CCDC171: variants seen among roughly 807,000 people sequenced by gnomAD.
CCDC171 encodes the protein coiled-coil domain containing 171.
In CCDC171, 177 loss-of-function variants were observed where a neutral mutation model predicts 168.2. The observed-to-expected ratio is 1.05, with a 90% CI of 0.93 to 1.19. The LOEUF is 1.19. Among genes scored for constraint, CCDC171 ranks in the 50% most tolerant of loss-of-function variants. The pLI is 0.00. For synonymous variants in CCDC171, 687 were observed against 540.8 expected, an observed-to-expected ratio of 1.27 and a Z score of -3.75; for missense variants, 1,991 against 1,539.0, an observed-to-expected ratio of 1.29 and a Z score of -4.91.
chr9:15,774,129 C>CCAGCTACT lies in CCDC171; in HGVS notation c.2672-3469_2672-3462dup, dbSNP rs542659849. ...GGTGTGGTGGTGGGCATCTGTAACC[C>CCAGCTACT]CAGCTACTCGGGAGGCTGAAGTGAG... On this transcript the variant is annotated intron_variant, in intron 18 of 25. Coordinates refer to ENST00000380701, the MANE Select transcript of CCDC171 (RefSeq NM_173550.4). 5.9e-5 allele frequency among the ~76,000 whole-genome samples: 9 copies of CCAGCTACT among 151,526 alleles called. 1 individual carries two copies. The South Asian group carries it at 1.9e-3, about 32-fold the overall frequency.
At chr9:15,809,913 A>G (rs543921456) in intron 21 of CCDC171, among the ~76,000 whole-genome samples, 1 of 152,010 alleles carries the variant, frequency 6.6e-6, no homozygotes, top group Non-Finnish European at 1.5e-5. Flanking sequence ...TGATTGGTCC[A>G]TTTTACAGAG....
intron 9 of CCDC171, among the ~76,000 whole-genome samples, chr9:15,672,779 T>C (rs914339758): frequency 6.6e-6 from 1 of 152,356 alleles, no homozygotes; most frequent in South Asian, 2.1e-4. Flanking sequence ...TAAAGTCAGA[T>C]AGCGTGATGC....
the CCDC171 span, among the ~76,000 whole-genome samples, chr9:16,070,911 G>A: frequency 6.6e-6 from 1 of 152,312 alleles, no homozygotes; most frequent in South Asian, 2.1e-4. Flanking sequence ...TTGGATGGGG[G>A]ATTTTTGGCT....
chr9:16,012,078 C>A (rs1288743323), intron 3 of CCDC171, among the ~76,000 whole-genome samples: 1 of 152,176 alleles, frequency 6.6e-6, no homozygotes, highest in Non-Finnish European at 1.5e-5. Flanking sequence ...ATAGGAAGTT[C>A]TCTTCTGAAG....
intron 20 of CCDC171, among the ~76,000 whole-genome samples, chr9:15,783,034 A>C (rs1288220999): frequency 2.6e-5 from 4 of 152,132 alleles, no homozygotes; most frequent in Non-Finnish European, 5.9e-5. Flanking sequence ...AAATTTCTTC[A>C]TTGTTGAGAA....
At chr9:15,579,736 A>G (rs1013867788) in intron 4 of CCDC171, among the ~76,000 whole-genome samples, 1 of 152,124 alleles carries the variant, frequency 6.6e-6, no homozygotes, top group African/African-American at 2.4e-5. Flanking sequence ...CATAAAGTAT[A>G]TATTCTTTTT....
intron 21 of CCDC171, among the ~76,000 whole-genome samples, chr9:15,821,008 C>G (rs1441469963): frequency 8.5e-6 from 1 of 117,170 alleles, no homozygotes; most frequent in East Asian, 2.1e-4. Flanking sequence ...GGGCTTCATC[C>G]CTGGGATGCA....
intron 24 of CCDC171, among the ~76,000 whole-genome samples, chr9:15,895,798 G>A (rs1457431808): frequency 1.3e-5 from 2 of 152,056 alleles, no homozygotes; most frequent in Non-Finnish European, 2.9e-5. Flanking sequence ...AATAAAGCCA[G>A]TGGCAATTCT....
chr9:16,068,254 T>C, the CCDC171 span, among the ~76,000 whole-genome samples: 1 of 151,432 alleles, frequency 6.6e-6, no homozygotes, highest in Non-Finnish European at 1.5e-5. Context: ...TTATAAGGGA[T>C]GTGAAGGACC....
chr9:15,912,504 T>G (rs552851006), intron 24 of CCDC171, among the ~76,000 whole-genome samples: 1 of 152,184 alleles, frequency 6.6e-6, no homozygotes, highest in Non-Finnish European at 1.5e-5. Context: ...ACAGAGGTAA[T>G]TGACTTCTTC....
At chr9:15,865,913 G>A (rs1271163931) in intron 23 of CCDC171, among the ~76,000 whole-genome samples, 1 of 151,506 alleles carries the variant, frequency 6.6e-6, no homozygotes, top group African/African-American at 2.4e-5. Flanking sequence ...TCTCATATGT[G>A]GCATACTTAG....
chr9:15,713,736 C>T (rs763703078), intron 11 of CCDC171, among the ~76,000 whole-genome samples: 5 of 152,014 alleles, frequency 3.3e-5, no homozygotes, highest in Non-Finnish European at 7.4e-5. Context: ...ATGCTATATA[C>T]ATCTTGAATT....
intron 23 of CCDC171, chr9:15,850,081 T>C: frequency 6.6e-6 from 1 of 151,964 alleles, no homozygotes; most frequent in East Asian, 1.9e-4. Flanking sequence ...GTGCCACAAA[T>C]CTGAAATTTA....
intron 6 of CCDC171, among the ~76,000 whole-genome samples, chr9:15,595,437 T>C (rs1159136003): frequency 6.6e-6 from 1 of 152,194 alleles, no homozygotes; most frequent in Non-Finnish European, 1.5e-5. Context: ...CTGAGAATGA[T>C]GGTTTCCAGC....
intron 4 of CCDC171, among the ~76,000 whole-genome samples, chr9:15,581,378 G>A (rs571636799): frequency 6.6e-6 from 1 of 152,246 alleles, no homozygotes; most frequent in Non-Finnish European, 1.5e-5. Context: ...TAGATTGAAT[G>A]CTGTCCCCAT....
At chr9:15,602,895 C>T (rs1369461013) in intron 6 of CCDC171, among the ~76,000 whole-genome samples, 4 of 151,992 alleles carry the variant, frequency 2.6e-5, no homozygotes, top group South Asian at 2.1e-4. Flanking sequence ...TGACCTCAGG[C>T]GATCTGCCTG....
At chr9:15,565,015 G>T (rs1258829846) in intron 2 of CCDC171, among the ~76,000 whole-genome samples, 1 of 151,574 alleles carries the variant, frequency 6.6e-6, no homozygotes, top group African/African-American at 2.4e-5. Flanking sequence ...GGTGGGACAA[G>T]TACCAAGACT....
chr9:15,924,901 C>T (rs1232866611), intron 25 of CCDC171, among the ~76,000 whole-genome samples: 1 of 151,536 alleles, frequency 6.6e-6, no homozygotes, highest in Non-Finnish European at 1.5e-5. Flanking sequence ...TCTTTAAACA[C>T]TCATCTCCTT....
At chr9:15,778,512 G>T (rs1012253165) in intron 19 of CCDC171, among the ~76,000 whole-genome samples, 2 of 151,126 alleles carry the variant, frequency 1.3e-5, no homozygotes, top group African/African-American at 4.9e-5. Context: ...GGTGGTGGGT[G>T]CCTCATGCCT....
Sources: gnomAD v4.1 joint callset for allele counts (sites outside exome capture counted in the v4.1 genomes callset) on GRCh38, gnomAD v4.1.1 for gene constraint, MANE v1.5 for transcripts, NCBI Gene and HGNC (gene_info 2026-07-23, HGNC 2026-07-21) for gene names.